PAPOLG: variants seen among roughly 807,000 people sequenced by gnomAD.
PAPOLG encodes the protein poly(A) polymerase gamma.
PAPOLG carries 40 observed loss-of-function variants against 99.0 expected under a neutral mutation model. The observed-to-expected ratio is 0.40, with a 90% CI of 0.31 to 0.53. The LOEUF (loss-of-function observed/expected upper bound fraction) is 0.53, where lower values mean the gene tolerates loss of function less well. Among genes scored for constraint, PAPOLG ranks in the 20% least tolerant of loss-of-function variants. The probability of loss-of-function intolerance (pLI) is 0.41; values close to 1 mark genes in which losing one functional copy is unlikely to be tolerated. For synonymous variants in PAPOLG, 310 were observed against 299.3 expected (o/e 1.04, Z -0.37); for missense variants, 675 against 884.1 (o/e 0.76, Z 3.00).
intron 8 of PAPOLG, among the ~76,000 whole-genome samples, chr2:60,778,107 T>C (rs1274110862): frequency 6.6e-6 from 1 of 152,168 alleles, no homozygotes; most frequent in Non-Finnish European, 1.5e-5. Context: ...TGAAGTGTAA[T>C]AAAGCAAAAC....
At position 60,780,600 on chromosome 2, in the gene PAPOLG, C is replaced by A. The variant is rs1671158413; in HGVS notation, c.834-107C>A. 4.2e-6 allele frequency: 5 copies of A among 1,191,398 alleles called. No homozygotes were observed. The South Asian group carries it at 6.9e-5, about 16-fold the overall frequency. The allele number at this position is 1,191,398 out of a possible 1,614,324, so 73.8% of individuals were successfully genotyped here. On this transcript the variant is annotated intron_variant, in intron 9 of 21. Transcript: ENST00000238714. ...CTTTTTTTCCTTTAATACCAAATAC[C>A]CAGAACATTCACTCTGTAGAAGGTT... is the stretch of plus-strand genomic sequence containing the variant.
intron 6 of PAPOLG, among the ~76,000 whole-genome samples, chr2:60,770,918 T>C (rs1235839211): frequency 6.6e-6 from 1 of 152,228 alleles, no homozygotes; most frequent in Non-Finnish European, 1.5e-5. Flanking sequence ...CCACCGCGCC[T>C]GGCCCATATT....
intron 3 of PAPOLG, 50 bp downstream of exon 3, chr2:60,761,857 T>G: frequency 1.3e-3 from 1,438 of 1,115,382 alleles, no homozygotes; most frequent in Non-Finnish European, 1.7e-3. Flanking sequence ...ATCTTGGCCA[T>G]TCATCCTGGC....
intron 3 of PAPOLG, among the ~76,000 whole-genome samples, chr2:60,767,459 A>T (rs967527226): frequency 1.3e-5 from 2 of 151,448 alleles, no homozygotes; most frequent in African/African-American, 4.9e-5. Context: ...CACACGCCAC[A>T]TGCCTAGCTA....
chr2:60,768,123 A>C (rs562668611), intron 3 of PAPOLG, among the ~76,000 whole-genome samples: 1 of 151,940 alleles, frequency 6.6e-6, no homozygotes, highest in South Asian at 2.1e-4. Context: ...ATTTTTTGAG[A>C]CAGAGTTTCA....
intron 8 of PAPOLG, among the ~76,000 whole-genome samples, chr2:60,775,749 A>G (rs1371981565): frequency 6.8e-6 from 1 of 147,214 alleles, no homozygotes; most frequent in African/African-American, 2.5e-5. Context: ...TTACATTTAC[A>G]CTATACTGTA....
intron 10 of PAPOLG, 39 bp from the exon 11 acceptor site, chr2:60,781,846 T>C (rs1312864445): frequency 9.9e-6 from 16 of 1,611,874 alleles, no homozygotes; most frequent in Non-Finnish European, 1.4e-5. Context: ...ACAACTGAAA[T>C]AGGAGAATAG....
At chr2:60,760,408 G>A in intron 2 of PAPOLG, 113 bp downstream of exon 2, 1 of 1,029,156 alleles carries the variant, frequency 9.7e-7, no homozygotes, top group Non-Finnish European at 1.4e-6. Flanking sequence ...ATGACAAAAA[G>A]AAAAATCTTG....
At chr2:60,783,920 T>C (rs1318233461) in intron 13 of PAPOLG, among the ~76,000 whole-genome samples, 1 of 152,212 alleles carries the variant, frequency 6.6e-6, no homozygotes, top group Non-Finnish European at 1.5e-5. Flanking sequence ...TAAGCAAAAT[T>C]TTGAGCTAGT....
rs539445885 is a variant in PAPOLG, at chr2:60,798,611, G to A, written c.*1451G>A. On this transcript the variant is annotated 3_prime_UTR_variant, in exon 22 of 22. Coordinates refer to ENST00000238714, the MANE Select transcript of PAPOLG (RefSeq NM_022894.4). ...TTTCACTCAGCATTTAGTAGGTCCA[G>A]TAGGAAAAACCCAAAATGGTACATT... 2.0e-5 allele frequency: 3 copies of A among 152,472 alleles called. No homozygotes were observed. The highest frequency in any genetic ancestry group is 1.3e-4 in the Admixed American group (2 of 15,292). 9.4% of individuals were successfully genotyped at this position (152,472 alleles called of 1,614,324 possible).
chr2:60,761,949 C>A, intron 3 of PAPOLG, 142 bp downstream of exon 3: 1 of 671,746 alleles, frequency 1.5e-6, no homozygotes, highest in Non-Finnish European at 2.6e-6. Context: ...TTGGTCTAGA[C>A]AGTTGAATTT....
In PAPOLG at chr2:60,797,189, A is replaced by G; in HGVS notation, c.*29A>G. The G allele has an allele frequency of 6.2e-7, 1 of 1,611,926 alleles. No homozygotes were observed. The highest frequency in any genetic ancestry group is 8.5e-7 in the Non-Finnish European group (1 of 1,178,248). On this transcript the variant is annotated 3_prime_UTR_variant, in exon 22 of 22. Coordinates refer to ENST00000238714, the MANE Select transcript of PAPOLG (RefSeq NM_022894.4). ...CAGTGCCTCCTCACTTAAGTGAACA[A>G]GCAATCATTTAGTGGCATAGATGCA...
At chr2:60,781,716 C>A in intron 10 of PAPOLG, 169 bp from the exon 11 acceptor site, 1 of 357,814 alleles carries the variant, frequency 2.8e-6, no homozygotes, top group Non-Finnish European at 3.9e-6. Context: ...GACTATCAGA[C>A]ATATCCAACT....
chr2:60,783,518 TTTTTTTTTTTG>T, intron 13 of PAPOLG, among the ~76,000 whole-genome samples: 1 of 133,594 alleles, frequency 7.5e-6, no homozygotes, highest in Non-Finnish European at 1.6e-5. Context: ...TTTTTTTTTT[TTTTTTTTTTTG>T]AGAAGGAGTC....
rs1330506367 is a variant in PAPOLG at position 60,783,201 on chromosome 2, T to G, written c.1158T>G (p.His386Gln). 2 of 1,577,056 alleles carry G rather than the reference T, an allele frequency of 1.3e-6. No individual in the cohort carries two copies. Among genetic ancestry groups the G allele is most frequent in the African/African-American group, 1.4e-5 (1 of 73,732 alleles). Residue 386 changes from histidine (H) to glutamine (Q), a missense_variant, in exon 13 of 22, where the codon CAT (histidine) becomes CAG (glutamine). Around this residue, in one of 3 missense-constraint regions of PAPOLG, gnomAD observed 413 missense variants for 460.5 expected, o/e 0.90. Transcript: ENST00000238714. ...CCAGCGCATCAACAGAAGAAAACCA[T>G]CTAGAGTGGTAAGACTTCTATTTCA... Reference protein sequence around the residue: ...LTASASTEENHLEWVGLVESK... With the variant: ...LTASASTEENQLEWVGLVESK...
intron 15 of PAPOLG, among the ~76,000 whole-genome samples, chr2:60,790,438 C>G (rs1426907862): frequency 6.6e-6 from 1 of 152,168 alleles, no homozygotes; most frequent in Non-Finnish European, 1.5e-5. Context: ...CTTATAATCT[C>G]ATTGAGTATA....
chr2:60,791,088 C>CA (rs60761169), intron 15 of PAPOLG, among the ~76,000 whole-genome samples: 23,384 of 135,660 alleles, frequency 0.17, 1,975 homozygotes, highest in Middle Eastern at 0.23. Context: ...GAGTCTGTGT[C>CA]AAAAAAAAAA....
At chr2:60,783,496 C>T (rs546286386) in intron 13 of PAPOLG, among the ~76,000 whole-genome samples, 9 of 114,174 alleles carry the variant, frequency 7.9e-5, no homozygotes, top group South Asian at 2.7e-4. Context: ...CCACTTTACC[C>T]GGCCTTTTTT....
chr2:60,762,486 A>G (rs1670547965), intron 3 of PAPOLG, among the ~76,000 whole-genome samples: 1 of 152,134 alleles, frequency 6.6e-6, no homozygotes, highest in African/African-American at 2.4e-5. Context: ...ATATGAAATA[A>G]TATAGTACAT....
Sources: gnomAD v4.1 joint callset for allele counts (sites outside exome capture counted in the v4.1 genomes callset) on GRCh38, gnomAD v4.1.1 for gene constraint, gnomAD v4.1.1 regional missense constraint, MANE v1.5 for transcripts, NCBI Gene and HGNC (gene_info 2026-07-23, HGNC 2026-07-21) for gene names.